GALM: variants seen among roughly 807,000 people sequenced by gnomAD.
GALM encodes the protein aldose 1-epimerase.
GALM carries 43 observed loss-of-function variants against 37.4 expected under a neutral mutation model. The ratio of observed to expected loss-of-function variants is 1.15; its 90% CI spans 0.90 to 1.48. GALM has a LOEUF of 1.48. Among genes scored for constraint, GALM ranks in the 40% most tolerant of loss-of-function variants. The probability of loss-of-function intolerance (pLI) is 0.00; values close to 1 mark genes in which losing one functional copy is unlikely to be tolerated. For missense variants in GALM, 456 were observed against 419.1 expected (o/e 1.09, Z -0.77); for synonymous variants, 199 against 170.6 (o/e 1.17, Z -1.30).
intron 1 of GALM, among the ~76,000 whole-genome samples, chr2:38,670,256 T>A (rs962578272): frequency 6.6e-6 from 1 of 152,232 alleles, no homozygotes; most frequent in East Asian, 1.9e-4. Context: ...GCCACAGGTA[T>A]AAACAACCTA....
intron 1 of GALM, among the ~76,000 whole-genome samples, chr2:38,674,693 G>A (rs558601338): frequency 6.6e-6 from 1 of 152,196 alleles, no homozygotes; most frequent in Admixed American, 6.5e-5. Context: ...AAAAAAATAA[G>A]AAGAGAAAGA....
chr2:38,712,914 G>A (rs893133645), intron 4 of GALM, among the ~76,000 whole-genome samples: 1 of 152,218 alleles, frequency 6.6e-6, no homozygotes, highest in Non-Finnish European at 1.5e-5. Flanking sequence ...TGGGCCAAGT[G>A]ACCAGAAAGG....
At chr2:38,686,646 A>G (rs1350867535) in intron 3 of GALM, among the ~76,000 whole-genome samples, 1 of 152,198 alleles carries the variant, frequency 6.6e-6, no homozygotes, top group Non-Finnish European at 1.5e-5. Flanking sequence ...AGGAGAATGG[A>G]TAAACAAATT....
At chr2:38,724,614 G>T (rs1457348895) in intron 4 of GALM, among the ~76,000 whole-genome samples, 1 of 152,140 alleles carries the variant, frequency 6.6e-6, no homozygotes, top group Non-Finnish European at 1.5e-5. Context: ...ATAGATTGGA[G>T]CCTTCACTGT....
intron 4 of GALM, among the ~76,000 whole-genome samples, chr2:38,697,107 T>C (rs537094715): frequency 2.0e-5 from 3 of 152,064 alleles, no homozygotes; most frequent in Non-Finnish European, 4.4e-5. Flanking sequence ...ACTCTTCAAA[T>C]GCACCTAGTG....
At chr2:38,686,204 A>C (rs1441312981) in intron 3 of GALM, among the ~76,000 whole-genome samples, 4 of 128,160 alleles carry the variant, frequency 3.1e-5, no homozygotes, top group African/African-American at 6.1e-5. Flanking sequence ...AAAAAAAAAA[A>C]CCACAGAAAG....
At chr2:38,726,540 T>G (rs1343329053) in intron 4 of GALM, among the ~76,000 whole-genome samples, 1 of 152,066 alleles carries the variant, frequency 6.6e-6, no homozygotes, top group Non-Finnish European at 1.5e-5. Flanking sequence ...CTCTCACATT[T>G]AATCCCAACA....
chr2:38,719,153 T>C (rs931621743), intron 4 of GALM, among the ~76,000 whole-genome samples: 3 of 151,874 alleles, frequency 2.0e-5, no homozygotes, highest in Non-Finnish European at 4.4e-5. Context: ...CCTCGTCAGT[T>C]AGCCAATCCC....
At chr2:38,706,486 G>T (rs1666037718) in intron 4 of GALM, among the ~76,000 whole-genome samples, 1 of 141,250 alleles carries the variant, frequency 7.1e-6, no homozygotes, top group Admixed American at 7.3e-5. Flanking sequence ...ACCAGCCTGG[G>T]CAACATATCG....
chr2:38,733,913 A>C lies in GALM; in HGVS notation c.*348A>C. ...CAACTTTTTGCCCTTCCTTTCTTTA[A>C]AGCTATTCTCACATTGCTTTTATTT... On this transcript the variant is annotated 3_prime_UTR_variant, in exon 7 of 7. Coordinates refer to ENST00000272252, the MANE Select transcript of GALM (RefSeq NM_138801.3). The C allele has an allele frequency of 3.1e-6, 1 of 326,118 alleles. No individual in the cohort carries two copies. Among genetic ancestry groups the C allele is most frequent in the South Asian group, 3.0e-5 (1 of 33,316 alleles). The allele number at this position is 326,118 out of a possible 1,614,324, so 20.2% of individuals were successfully genotyped here. A position where few individuals can be genotyped will look rare whatever the true frequency, so the allele number is the denominator to read the frequency against.
At chr2:38,676,684 A>T (rs1488800326) in intron 2 of GALM, among the ~76,000 whole-genome samples, 1 of 152,200 alleles carries the variant, frequency 6.6e-6, no homozygotes, top group Non-Finnish European at 1.5e-5. Context: ...AATCGCTTGA[A>T]TGTGGGAGGT....
chr2:38,678,769 C>T (rs781648891), intron 2 of GALM, among the ~76,000 whole-genome samples: 11 of 152,292 alleles, frequency 7.2e-5, no homozygotes, highest in Non-Finnish European at 8.8e-5. Context: ...GCAAATGCCA[C>T]GTCTGTGAGA....
intron 1 of GALM, among the ~76,000 whole-genome samples, chr2:38,675,124 G>T (rs1156473065): frequency 6.6e-6 from 1 of 152,074 alleles, no homozygotes; most frequent in Admixed American, 6.6e-5. Context: ...GCAGTTAGCC[G>T]AGATGGGGCC....
chr2:38,715,804 A>G (rs1401286568), intron 4 of GALM, among the ~76,000 whole-genome samples: 2 of 152,168 alleles, frequency 1.3e-5, no homozygotes, highest in African/African-American at 4.8e-5. Flanking sequence ...TAACAGCCAT[A>G]TTACTGAGTA....
intron 4 of GALM, among the ~76,000 whole-genome samples, chr2:38,711,081 A>C (rs1666143497): frequency 1.3e-5 from 2 of 151,284 alleles, no homozygotes; most frequent in Admixed American, 1.3e-4. Flanking sequence ...ATCCTGCTCT[A>C]TGTGTCTTTA....
At position 38,734,679 on chromosome 2, in the gene GALM, T is replaced by C. The variant is rs1352404295; in HGVS notation, c.*1114T>C. 6.1e-5 allele frequency: 6 copies of C among 97,914 alleles called. No individual in the cohort carries two copies. Among genetic ancestry groups the C allele is most frequent in the South Asian group, 4.6e-4 (1 of 2,154 alleles). The allele number at this position is 97,914 out of a possible 1,614,324, so 6.1% of individuals were successfully genotyped here. A position where few individuals can be genotyped will look rare whatever the true frequency, so the allele number is the denominator to read the frequency against. ...TCAAAGTATCAGTGATGGGTTTTGG[T>C]TGGTGATTTTGAAAAAAAAAAAAAA... On this transcript the variant is annotated 3_prime_UTR_variant, in exon 7 of 7. Transcript: ENST00000272252.
At chr2:38,693,483 C>CAAAA (rs11339764) in intron 4 of GALM, among the ~76,000 whole-genome samples, 3 of 101,270 alleles carry the variant, frequency 3.0e-5, no homozygotes, top group Non-Finnish European at 6.7e-5. Context: ...ACTCTGCTTC[C>CAAAA]AAAAAAAAAA....
chr2:38,718,293 A>G (rs1456444639), intron 4 of GALM, among the ~76,000 whole-genome samples: 2 of 143,144 alleles, frequency 1.4e-5, no homozygotes, highest in Non-Finnish European at 3.0e-5. Flanking sequence ...TCTGCTTCCC[A>G]GGTTCAAGTG....
chr2:38,723,068 T>C (rs1263057260), intron 4 of GALM, among the ~76,000 whole-genome samples: 1 of 152,142 alleles, frequency 6.6e-6, no homozygotes, highest in Non-Finnish European at 1.5e-5. Flanking sequence ...CCTGCCTTCA[T>C]TCATCAGTTT....
Sources: gnomAD v4.1 joint callset for allele counts (sites outside exome capture counted in the v4.1 genomes callset) on GRCh38, gnomAD v4.1.1 for gene constraint, MANE v1.5 for transcripts, NCBI Gene and HGNC (gene_info 2026-07-23, HGNC 2026-07-21) for gene names.